The following AFAP1 variants were observed in gnomAD, a reference collection of about 807,000 sequenced individuals.
AFAP1 encodes actin filament-associated protein 1.
AFAP1 carries 75 observed loss-of-function variants against 93.9 expected under a neutral mutation model. That is an observed-to-expected ratio of 0.80 (90% confidence interval 0.66 to 0.97). The LOEUF (loss-of-function observed/expected upper bound fraction) is 0.97, where lower values mean the gene tolerates loss of function less well. AFAP1 is among the 50% of genes least tolerant of loss of function. The probability of loss-of-function intolerance (pLI) is 0.00; values close to 1 mark genes in which losing one functional copy is unlikely to be tolerated. For synonymous variants in AFAP1, 517 were observed against 430.7 expected, an observed-to-expected ratio of 1.20 and a Z score of -2.48; for missense variants, 1,201 against 1,050.8, an observed-to-expected ratio of 1.14 and a Z score of -1.98.
intron 5 of AFAP1, among the ~76,000 whole-genome samples, chr4:7,842,499 A>G (rs1474948058): frequency 6.6e-6 from 1 of 151,958 alleles, no homozygotes; most frequent in Non-Finnish European, 1.5e-5. Flanking sequence ...GGTTTCTAAA[A>G]AAAAGGCAGG....
chr4:7,762,238 G>C lies in AFAP1; in HGVS notation c.*1527C>G, dbSNP rs1329843128. The C allele has an allele frequency of 6.6e-6, 1 of 152,242 alleles. No homozygotes were observed. The highest frequency in any genetic ancestry group is 6.5e-5 in the Admixed American group (1 of 15,276). The allele number at this position is 152,242 out of a possible 1,614,324, so 9.4% of individuals were successfully genotyped here. On this transcript the variant is annotated 3_prime_UTR_variant, in exon 18 of 18. Transcript: ENST00000420658. ...CACACAGCTAGCGCTCTGAAAGTAT[G>C]TCTGGGGGAAACCCAAGGAGTCAGT...
chr4:7,880,278 C>CTT (rs35346388), intron 1 of AFAP1, among the ~76,000 whole-genome samples: 16,077 of 120,476 alleles, frequency 0.13, 2,214 homozygotes, highest in East Asian at 0.48. Flanking sequence ...ACCCAAATGC[C>CTT]TTTTTTTTTT....
At chr4:7,856,135 G>C (rs1349180558) in intron 3 of AFAP1, among the ~76,000 whole-genome samples, 1 of 152,166 alleles carries the variant, frequency 6.6e-6, no homozygotes, top group East Asian at 1.9e-4. Context: ...TATCCCTATT[G>C]TGTGCTAGGA....
intron 1 of AFAP1, among the ~76,000 whole-genome samples, chr4:7,900,317 T>C (rs934413661): frequency 6.0e-5 from 6 of 99,622 alleles, no homozygotes; most frequent in Admixed American, 1.9e-4. Flanking sequence ...ATTTAGCCAA[T>C]TGTTCCTTTG....
intron 7 of AFAP1, among the ~76,000 whole-genome samples, chr4:7,816,413 G>T (rs1334781861): frequency 5.3e-5 from 8 of 152,044 alleles, no homozygotes; most frequent in Non-Finnish European, 1.2e-4. Flanking sequence ...AAAATATTAT[G>T]ATTACAAAAA....
intron 1 of AFAP1, among the ~76,000 whole-genome samples, chr4:7,898,181 G>A (rs558647596): frequency 2.0e-5 from 3 of 152,148 alleles, no homozygotes; most frequent in South Asian, 2.1e-4. Context: ...AGGCCAAGGC[G>A]GGTGGATCAC....
At chr4:7,913,344 C>T (rs577061776) in intron 1 of AFAP1, among the ~76,000 whole-genome samples, 3 of 148,530 alleles carry the variant, frequency 2.0e-5, no homozygotes, top group Admixed American at 1.4e-4. Flanking sequence ...GAGCCATGAT[C>T]GCACCACTAC....
chr4:7,862,556 T>C (rs1715854035), intron 3 of AFAP1, among the ~76,000 whole-genome samples: 1 of 152,180 alleles, frequency 6.6e-6, no homozygotes, highest in African/African-American at 2.4e-5. Flanking sequence ...TTTAAGTGTA[T>C]TGAACCGTAC....
At chr4:7,934,261 T>C (rs1274131650) in intron 1 of AFAP1, among the ~76,000 whole-genome samples, 1 of 152,188 alleles carries the variant, frequency 6.6e-6, no homozygotes, top group African/African-American at 2.4e-5. Context: ...AACACCAGAC[T>C]AACCCGGCTC....
At chr4:7,800,382 T>C (rs1455205237) in intron 10 of AFAP1, 60 bp downstream of exon 10, 1 of 1,566,348 alleles carries the variant, frequency 6.4e-7, no homozygotes. Context: ...ATTCGCCTTT[T>C]GAAAGGAAGA....
chr4:7,828,395 C>G (rs1721619223), intron 6 of AFAP1, among the ~76,000 whole-genome samples: 1 of 152,210 alleles, frequency 6.6e-6, no homozygotes, highest in African/African-American at 2.4e-5. Context: ...AAATTCGAGA[C>G]AGCAGCTTAT....
intron 1 of AFAP1, among the ~76,000 whole-genome samples, chr4:7,887,012 C>G (rs1284610810): frequency 6.6e-6 from 1 of 152,116 alleles, no homozygotes; most frequent in African/African-American, 2.4e-5. Context: ...AGACACATAC[C>G]TGGACTCACA....
At chr4:7,928,903 A>T (rs569597735) in intron 1 of AFAP1, among the ~76,000 whole-genome samples, 1 of 152,258 alleles carries the variant, frequency 6.6e-6, no homozygotes, top group South Asian at 2.1e-4. Flanking sequence ...AGTCAGTGGC[A>T]GAGCCAGCAT....
At chr4:7,889,333 G>C (rs1274917005) in intron 1 of AFAP1, among the ~76,000 whole-genome samples, 1 of 151,810 alleles carries the variant, frequency 6.6e-6, no homozygotes, top group Admixed American at 6.6e-5. Context: ...CGGATCACGA[G>C]GTCAGGAGAT....
intron 6 of AFAP1, among the ~76,000 whole-genome samples, chr4:7,821,952 G>A (rs1484990495): frequency 6.6e-6 from 1 of 152,208 alleles, no homozygotes; most frequent in East Asian, 1.9e-4. Context: ...TCTCCTCTTT[G>A]CTAATGCCGA....
At chr4:7,838,866 A>G (rs1324045546) in intron 5 of AFAP1, among the ~76,000 whole-genome samples, 163 bp from the exon 6 acceptor site, 1 of 152,122 alleles carries the variant, frequency 6.6e-6, no homozygotes, top group East Asian at 1.9e-4. Context: ...ACATACACAC[A>G]GTGCTCTTCA....
Position 7,843,146 on chromosome 4 carries a change from T to G in AFAP1, c.539A>C (p.Lys180Thr). The G allele has an allele frequency of 1.2e-6, 2 of 1,613,964 alleles. No homozygotes were observed. Among genetic ancestry groups the G allele is most frequent in the East Asian group, 2.2e-5 (1 of 44,880 alleles). Residue 180 changes from lysine to threonine, a missense_variant, in exon 5 of 18, where the codon AAA becomes ACA. Transcript: ENST00000420658. ...CGATTCCAAATGTCTTACCAGCAGT[T>G]TGGTGTCTTTGATGACGCAGAGCAA... The part of the protein sequence containing the change: ...TKLLCVIKDT[K>T]LLCYKSSKDQ...
At chr4:7,804,089 C>T (rs1250331187) in intron 9 of AFAP1, among the ~76,000 whole-genome samples, 2 of 151,904 alleles carry the variant, frequency 1.3e-5, no homozygotes, top group East Asian at 1.9e-4. Flanking sequence ...GTCCTCTGGA[C>T]CCCCCAATAT....
chr4:7,778,530 G>C, intron 14 of AFAP1: 1 of 582,326 alleles, frequency 1.7e-6, no homozygotes, highest in Admixed American at 3.0e-5. Flanking sequence ...ATGCTGAGTC[G>C]ATCCCACAGG....
Sources: gnomAD v4.1 joint callset for allele counts (sites outside exome capture counted in the v4.1 genomes callset) on GRCh38, gnomAD v4.1.1 for gene constraint, MANE v1.5 for transcripts, NCBI Gene and HGNC (gene_info 2026-07-23, HGNC 2026-07-21) for gene names.